The following RGS6 variants were observed in gnomAD, a reference collection of about 807,000 sequenced individuals.
RGS6 encodes the protein regulator of G protein signaling 6, also known as regulator of G-protein signaling 6.
RGS6 carries 30 observed loss-of-function variants against 78.5 expected under a neutral mutation model. That is an observed-to-expected ratio of 0.38 (90% CI 0.29 to 0.52). RGS6 has a LOEUF of 0.52. Among genes scored for constraint, RGS6 ranks in the 20% least tolerant of loss-of-function variants. RGS6 has a pLI of 0.85. For missense variants in RGS6, 495 were observed against 609.7 expected, an observed-to-expected ratio of 0.81 and a Z score of 1.98; for synonymous variants, 206 against 206.0, an observed-to-expected ratio of 1.00 and a Z score of 0.00.
At chr14:72,213,398 A>G (rs765704522) in intron 2 of RGS6, among the ~76,000 whole-genome samples, 13 of 152,126 alleles carry the variant, frequency 8.5e-5, no homozygotes, top group Non-Finnish European at 1.3e-4. Context: ...TTCACCTATG[A>G]CGAGGCCAGA....
At chr14:72,137,758 G>A (rs1293291563) in intron 2 of RGS6, among the ~76,000 whole-genome samples, 1 of 152,212 alleles carries the variant, frequency 6.6e-6, no homozygotes, top group African/African-American at 2.4e-5. Flanking sequence ...TACCCTTTGG[G>A]CACATGGATG....
chr14:72,196,719 G>C (rs2040249300), intron 2 of RGS6, among the ~76,000 whole-genome samples: 1 of 152,248 alleles, frequency 6.6e-6, no homozygotes, highest in African/African-American at 2.4e-5. Context: ...TCTTGCATCT[G>C]TCAAGTGCAC....
chr14:72,279,648 G>C (rs1281906108), intron 2 of RGS6, among the ~76,000 whole-genome samples: 1 of 152,132 alleles, frequency 6.6e-6, no homozygotes, highest in African/African-American at 2.4e-5. Flanking sequence ...AACAGTTAGT[G>C]GCCTAGAAAC....
chr14:72,039,813 A>ATTTTTTTTTTTT (rs3053082), intron 2 of RGS6, among the ~76,000 whole-genome samples: 7 of 68,872 alleles, frequency 1.0e-4, no homozygotes, highest in Non-Finnish European at 1.4e-4. Flanking sequence ...TGTTTCATTG[A>ATTTTTTTTTTTT]TTTTTTTTTT....
At chr14:72,335,428 G>A (rs2075850653) in intron 2 of RGS6, among the ~76,000 whole-genome samples, 1 of 152,132 alleles carries the variant, frequency 6.6e-6, no homozygotes, top group African/African-American at 2.4e-5. Context: ...TAGATTAATA[G>A]ACTACCAAGT....
intron 13 of RGS6, among the ~76,000 whole-genome samples, chr14:72,496,767 GT>G (rs1388690695): frequency 6.6e-6 from 1 of 152,092 alleles, no homozygotes; most frequent in Non-Finnish European, 1.5e-5. Flanking sequence ...ATCTGATTTA[GT>G]GTCTATTACT....
chr14:72,406,345 C>T (rs979951108), intron 3 of RGS6, among the ~76,000 whole-genome samples: 10 of 152,014 alleles, frequency 6.6e-5, no homozygotes, highest in African/African-American at 2.4e-4. Flanking sequence ...GATCGTGCCA[C>T]TGCACTGCAG....
chr14:72,258,077 C>T (rs2057424245), intron 2 of RGS6, among the ~76,000 whole-genome samples: 2 of 152,146 alleles, frequency 1.3e-5, no homozygotes, highest in East Asian at 1.9e-4. Flanking sequence ...GTTTTGTATA[C>T]AGCAGATTCA....
At chr14:72,342,725 C>CAAAA (rs58717636) in intron 2 of RGS6, among the ~76,000 whole-genome samples, 5 of 71,416 alleles carry the variant, frequency 7.0e-5, no homozygotes, top group Admixed American at 3.5e-4. Flanking sequence ...GGCTTTGTCT[C>CAAAA]AAAAAAAAAA....
chr14:72,235,147 C>T (rs868083340), intron 2 of RGS6, among the ~76,000 whole-genome samples: 12 of 152,228 alleles, frequency 7.9e-5, no homozygotes, highest in South Asian at 6.2e-4. Context: ...GCATCTGGAA[C>T]GGTAAGTGGC....
In RGS6 at chr14:72,370,715, G is replaced by GA. The variant is rs78999094; in HGVS notation, c.184+18530dup. On this transcript the variant is annotated intron_variant, in intron 3 of 17. Coordinates refer to ENST00000553525, the MANE Select transcript of RGS6 (RefSeq NM_001204424.2). ...ACCTGCAAGAGACTACCAGAGTGTTGAAAAAAAAATTTTTTAACATCAATC... is the reference window on the plus strand; with the variant it reads ...ACCTGCAAGAGACTACCAGAGTGTTGAAAAAAAAAATTTTTTAACATCAATC... Among the ~76,000 whole-genome samples the GA allele has an allele frequency of 1.4e-4, 21 of 151,984 alleles. No homozygotes were observed. The South Asian group carries it at 2.9e-3, about 21-fold the overall frequency.
intron 3 of RGS6, among the ~76,000 whole-genome samples, chr14:72,360,897 A>G (rs1440355922): frequency 6.6e-6 from 1 of 152,094 alleles, no homozygotes; most frequent in African/African-American, 2.4e-5. Flanking sequence ...GGTTTCCTCC[A>G]TGCTATTCTC....
At position 72,167,471 on chromosome 14, in the gene RGS6, G is replaced by A. The variant is rs375264397; in HGVS notation, c.85-184624G>A. On this transcript the variant is annotated intron_variant, in intron 2 of 17. Coordinates refer to ENST00000553525, the MANE Select transcript of RGS6 (RefSeq NM_001204424.2). ...AGGAGGGTGTGTATTACACAAGCAC[G>A]TAAACACCAAGAGATGGGATCTTTG... is the stretch of plus-strand genomic sequence containing the variant. Among the ~76,000 whole-genome samples the A allele has an allele frequency of 2.4e-3, 367 of 152,292 alleles. 2 individuals are homozygous for A. Among genetic ancestry groups the A allele is most frequent in the African/African-American group, 8.3e-3 (344 of 41,570 alleles).
At chr14:72,083,988 A>C (rs1358109816) in intron 2 of RGS6, among the ~76,000 whole-genome samples, 1 of 152,178 alleles carries the variant, frequency 6.6e-6, no homozygotes, top group Admixed American at 6.5e-5. Context: ...ATAGTCATGT[A>C]ATGATATTCC....
At chr14:72,586,588 T>C in the RGS6 span, among the ~76,000 whole-genome samples, 1 of 152,204 alleles carries the variant, frequency 6.6e-6, no homozygotes, top group South Asian at 2.1e-4. Flanking sequence ...ATACTGATCC[T>C]TTCGACACAG....
the RGS6 span, among the ~76,000 whole-genome samples, chr14:72,581,552 G>A: frequency 6.6e-6 from 1 of 152,052 alleles, no homozygotes; most frequent in Non-Finnish European, 1.5e-5. Flanking sequence ...AGTAGCTCTC[G>A]TTGCCCTTAG....
Position 72,269,139 on chromosome 14 carries a change from CCCA to C in RGS6, c.85-82950_85-82948del, listed in dbSNP as rs148394416. Reference sequence around the variant, plus strand: ...ACCCAGAATCTATTACCTCCGCCCCCCCACCACCCACCTTGCTCCAAGCCTCCA... The same window carrying C: ...ACCCAGAATCTATTACCTCCGCCCCCCCACCCACCTTGCTCCAAGCCTCCA... On this transcript the variant is annotated intron_variant, in intron 2 of 17. Coordinates refer to ENST00000553525, the MANE Select transcript of RGS6 (RefSeq NM_001204424.2). 2.2e-4 allele frequency among the ~76,000 whole-genome samples: 10 copies of C among 44,956 alleles called. 1 individual carries two copies. The East Asian group carries it at 5.0e-3, about 22-fold the overall frequency. 29.5% of individuals were successfully genotyped at this position (44,956 alleles called of 152,430 possible). A position where few individuals can be genotyped will look rare whatever the true frequency, so the allele number is the denominator to read the frequency against.
chr14:72,569,376 C>CT (rs1362807745), downstream of RGS6, among the ~76,000 whole-genome samples: 4 of 151,946 alleles, frequency 2.6e-5, no homozygotes, highest in Admixed American at 2.6e-4. Context: ...GTAGTTTTGC[C>CT]TTTTTTAGAA....
chr14:71,966,474 G>T (rs1041031123), intron 2 of RGS6, among the ~76,000 whole-genome samples: 3 of 152,186 alleles, frequency 2.0e-5, no homozygotes, highest in Admixed American at 6.5e-5. Flanking sequence ...TTGAGTCATT[G>T]TTACTTTCTT....
Sources: allele counts gnomAD v4.1 joint callset (sites outside exome capture counted in the v4.1 genomes callset), GRCh38; gene constraint gnomAD v4.1.1; transcripts MANE v1.5; gene names NCBI Gene and HGNC (gene_info 2026-07-23, HGNC 2026-07-21).